SOX5: variants seen among roughly 807,000 people sequenced by gnomAD.
SOX5 encodes SRY-box transcription factor 5.
In SOX5, 9 loss-of-function variants were observed where a neutral mutation model predicts 92.0. That is an observed-to-expected ratio of 0.10 (90% CI 0.06 to 0.17). SOX5 has a LOEUF of 0.17. Among genes scored for constraint, SOX5 ranks in the 10% least tolerant of loss-of-function variants. The probability of loss-of-function intolerance (pLI) is 1.00; values close to 1 mark genes in which losing one functional copy is unlikely to be tolerated. For missense variants in SOX5, 642 were observed against 944.5 expected (o/e 0.68, Z 4.20); for synonymous variants, 344 against 336.3 (o/e 1.02, Z -0.25).
chr12:24,190,951 T>TA (rs900612130), intron 4 of SOX5, among the ~76,000 whole-genome samples: 4 of 151,942 alleles, frequency 2.6e-5, no homozygotes, highest in East Asian at 1.9e-4. Context: ...AGATAAAATT[T>TA]AAAAAAAAGA....
rs1232545027 is a variant in SOX5, at chr12:23,708,772, G to C, written c.810+25912C>G. Among the ~76,000 whole-genome samples, 3 of 152,140 alleles carry C rather than the reference G, an allele frequency of 2.0e-5. No homozygotes were observed. The East Asian group carries it at 5.8e-4, about 29-fold the overall frequency. On this transcript the variant is annotated intron_variant, in intron 6 of 14. Coordinates refer to ENST00000451604, the MANE Select transcript of SOX5 (RefSeq NM_006940.6). ...TAGAAAACAAAATGTGCGGTGGAAG[G>C]CATCAAAAATGAACTCAAAGTTTTG... is the stretch of plus-strand genomic sequence containing the variant.
intron 3 of SOX5, among the ~76,000 whole-genome samples, chr12:23,791,754 A>G (rs1378497274): frequency 2.0e-5 from 3 of 152,132 alleles, no homozygotes; most frequent in Non-Finnish European, 4.4e-5. Flanking sequence ...TAACTTCTAA[A>G]TTGTGGTTGA....
intron 4 of SOX5, among the ~76,000 whole-genome samples, chr12:24,012,322 C>T (rs1269357848): frequency 6.6e-6 from 1 of 152,054 alleles, no homozygotes; most frequent in Non-Finnish European, 1.5e-5. Flanking sequence ...AAGTCAACAT[C>T]ACAAAGGTAA....
At chr12:24,038,735 T>TATTCAC (rs1956273472) in intron 4 of SOX5, among the ~76,000 whole-genome samples, 1 of 152,180 alleles carries the variant, frequency 6.6e-6, no homozygotes, top group Admixed American at 6.5e-5. Flanking sequence ...AACTTCGTAT[T>TATTCAC]ATTCACTCCT....
chr12:24,424,807 T>TGGGGGG (rs139281287), intron 1 of SOX5, among the ~76,000 whole-genome samples: 1 of 131,162 alleles, frequency 7.6e-6, no homozygotes, highest in African/African-American at 2.9e-5. Flanking sequence ...AGTTTTTTTT[T>TGGGGGG]TGGGGGGGGG....
chr12:23,603,333 T>C (rs540627295), intron 9 of SOX5, among the ~76,000 whole-genome samples: 48 of 151,468 alleles, frequency 3.2e-4, no homozygotes, highest in African/African-American at 1.1e-3. Flanking sequence ...TGTATTTCAA[T>C]GATTGTGACT....
At chr12:23,953,039 A>G (rs1945857580), upstream of SOX5, among the ~76,000 whole-genome samples, 1 of 152,180 alleles carries the variant, frequency 6.6e-6, no homozygotes, top group African/African-American at 2.4e-5. Context: ...TAAAATTTAT[A>G]AAAGCTGTCA....
intron 2 of SOX5, among the ~76,000 whole-genome samples, chr12:23,866,148 C>A (rs1357194248): frequency 6.6e-6 from 1 of 152,106 alleles, no homozygotes; most frequent in Non-Finnish European, 1.5e-5. Context: ...CTGAGGTATA[C>A]CTGTGTATAC....
intron 4 of SOX5, among the ~76,000 whole-genome samples, chr12:23,973,425 C>T (rs1344172919): frequency 6.6e-6 from 1 of 152,104 alleles, no homozygotes; most frequent in Non-Finnish European, 1.5e-5. Flanking sequence ...TCCCAAGGTG[C>T]TGGGATTACA....
chr12:24,317,758 T>C (rs1157533328), intron 2 of SOX5, among the ~76,000 whole-genome samples: 1 of 152,216 alleles, frequency 6.6e-6, no homozygotes, highest in Non-Finnish European at 1.5e-5. Flanking sequence ...AGCCACCTCT[T>C]GGCTTCACTT....
chr12:24,195,241 G>A (rs926553366), intron 4 of SOX5, among the ~76,000 whole-genome samples: 9 of 151,322 alleles, frequency 5.9e-5, no homozygotes, highest in African/African-American at 1.9e-4. Context: ...TATTTTAAAC[G>A]AGTAAACTCA....
At chr12:24,280,932 G>A (rs149260798) in intron 2 of SOX5, among the ~76,000 whole-genome samples, 2,209 of 148,974 alleles carry the variant, frequency 0.015, 33 homozygotes, top group African/African-American at 0.037. Flanking sequence ...GGGCAACCCA[G>A]TACAAATGCA....
At chr12:23,895,685 G>C (rs183557955) in intron 2 of SOX5, 108 bp downstream of exon 2, 2 of 731,894 alleles carry the variant, frequency 2.7e-6, no homozygotes, top group Admixed American at 2.2e-5. Flanking sequence ...CTTGTGCATG[G>C]GTTCTTAAGT....
intron 2 of SOX5, among the ~76,000 whole-genome samples, chr12:24,328,977 C>T (rs1951005956): frequency 6.6e-6 from 1 of 152,062 alleles, no homozygotes; most frequent in Non-Finnish European, 1.5e-5. Flanking sequence ...ATTGGTATTA[C>T]ATTTTATTTC....
chr12:24,528,995 C>G (rs971538063), intron 1 of SOX5, among the ~76,000 whole-genome samples: 11 of 152,044 alleles, frequency 7.2e-5, no homozygotes, highest in East Asian at 3.9e-4. Context: ...CTCATTTATC[C>G]CTTTGAGCAA....
At chr12:23,796,186 C>T (rs538624643) in intron 3 of SOX5, among the ~76,000 whole-genome samples, 21 of 152,246 alleles carry the variant, frequency 1.4e-4, no homozygotes, top group Middle Eastern at 3.4e-3. Flanking sequence ...ATTCAAAGTC[C>T]TTTTGCCTAA....
At chr12:23,951,166 A>G, upstream of SOX5, 1 of 412,838 alleles carries the variant, frequency 2.4e-6, no homozygotes, top group Non-Finnish European at 4.5e-6. Flanking sequence ...TCCACGAGGA[A>G]ATTCCCTTCA....
rs574215260 is a variant in SOX5, at chr12:23,754,136, G to T, written c.568+1502C>A. Among the ~76,000 whole-genome samples, 4 of 151,940 alleles carry T rather than the reference G, an allele frequency of 2.6e-5. No homozygotes were observed. In the East Asian group the frequency reaches 7.8e-4, roughly 29 times the overall value. On this transcript the variant is annotated intron_variant, in intron 4 of 14. Transcript: ENST00000451604. ...TAACCCCCAAGGCAAGCCTGAAAGG[G>T]ACAGCTGAGCTTTCCTCTAAGCTTG...
intron 9 of SOX5, among the ~76,000 whole-genome samples, chr12:23,599,150 A>G (rs1953000321): frequency 6.6e-6 from 1 of 152,238 alleles, no homozygotes; most frequent in Non-Finnish European, 1.5e-5. Flanking sequence ...TATTACTAAC[A>G]GAAACACATG....
Sources: allele counts gnomAD v4.1 joint callset (sites outside exome capture counted in the v4.1 genomes callset), GRCh38; gene constraint gnomAD v4.1.1; transcripts MANE v1.5; gene names NCBI Gene and HGNC (gene_info 2026-07-23, HGNC 2026-07-21).